Variants in SORCS3 observed in about 807,000 individuals in gnomAD.
SORCS3 encodes sortilin related VPS10 domain containing receptor 3.
Under a neutral mutation model 146.3 loss-of-function variants are expected in SORCS3, and 57 were observed. That is an observed-to-expected ratio of 0.39 (90% CI 0.31 to 0.49). The LOEUF is 0.49. Among genes scored for constraint, SORCS3 ranks in the 20% least tolerant of loss-of-function variants. The pLI, the probability that SORCS3 is intolerant of heterozygous loss-of-function variation, is 0.92. For synonymous variants in SORCS3, 653 were observed against 618.5 expected, an observed-to-expected ratio of 1.06 and a Z score of -0.83; for missense variants, 1,341 against 1,575.5, an observed-to-expected ratio of 0.85 and a Z score of 2.52.
chr10:105,089,896 C>T (rs774662798), intron 6 of SORCS3, 57 bp downstream of exon 6: 52 of 1,387,410 alleles, frequency 3.7e-5, no homozygotes, highest in Non-Finnish European at 4.9e-5. Flanking sequence ...GGTCTCTGTC[C>T]TCCCCCAATT....
intron 1 of SORCS3, among the ~76,000 whole-genome samples, chr10:104,659,074 A>G (rs2015668959): frequency 6.6e-6 from 1 of 152,208 alleles, no homozygotes. Flanking sequence ...TTAAGGAAAT[A>G]TCACAACATG....
At position 105,262,485 on chromosome 10, in the gene SORCS3, G is replaced by A. The variant is rs762365516; in HGVS notation, c.3598G>A (p.Val1200Ile). Residue 1200 changes from valine (V) to isoleucine (I), a missense_variant, in exon 26 of 27, where the codon GTC becomes ATC. Physicochemically the swap from Val to Ile is conservative, Grantham distance 29 (BLOSUM62 3). Transcript: ENST00000369701. ...ELLDKELDTR[V>I]IGGIATIANS... ...GCTGGACAAAGAGCTGGACACGCGG[G>A]TCATAGGTACATGCTCCTGCTCCAC... 1.9e-6 allele frequency: 3 copies of A among 1,613,430 alleles called. No homozygotes were observed. The highest frequency in any genetic ancestry group is 2.5e-6 in the Non-Finnish European group (3 of 1,179,796).
At chr10:104,964,225 T>C (rs929601963) in intron 3 of SORCS3, among the ~76,000 whole-genome samples, 3 of 152,178 alleles carry the variant, frequency 2.0e-5, no homozygotes, top group Non-Finnish European at 2.9e-5. Context: ...AGAGTCCTTA[T>C]ATCAATGCCT....
rs948306327 is a variant in SORCS3, at chr10:105,058,287, G to A, written c.1028+15159G>A. Reference sequence around the variant, plus strand: ...CAATGAGTGGGCTAAAAGCACTGGGGGATTTAAAATGGGATGGCCTTGCGC... The same window carrying A: ...CAATGAGTGGGCTAAAAGCACTGGGAGATTTAAAATGGGATGGCCTTGCGC... On this transcript the variant is annotated intron_variant, in intron 5 of 26. Transcript: ENST00000369701. Among the ~76,000 whole-genome samples the A allele has an allele frequency of 2.0e-5, 3 of 152,152 alleles. No individual in the cohort carries two copies. The East Asian group carries it at 5.8e-4, about 29-fold the overall frequency.
At chr10:104,750,610 A>C (rs1355280215) in intron 1 of SORCS3, among the ~76,000 whole-genome samples, 1 of 152,192 alleles carries the variant, frequency 6.6e-6, no homozygotes, top group Non-Finnish European at 1.5e-5. Flanking sequence ...CGAAGACAGG[A>C]TGGGACAGTG....
chr10:104,822,006 C>T (rs2017878430), intron 1 of SORCS3: 1 of 478,396 alleles, frequency 2.1e-6, no homozygotes, highest in Non-Finnish European at 4.1e-6. Flanking sequence ...CACACCTGGG[C>T]ACTTTCATAC....
chr10:104,973,195 T>A (rs1176913866), intron 3 of SORCS3, among the ~76,000 whole-genome samples: 1 of 152,170 alleles, frequency 6.6e-6, no homozygotes, highest in Non-Finnish European at 1.5e-5. Flanking sequence ...GGTATGAGGA[T>A]GATGCTGGCC....
rs950342959 is a variant in SORCS3 at position 104,850,500 on chromosome 10, C to T, written c.695+7641C>T. On this transcript the variant is annotated intron_variant, in intron 2 of 26. Transcript: ENST00000369701. ...CTGGGGGACTGAGGCGGGAGGATCT[C>T]TTGAACCTCAGGAGGTCGAGGCTAC... Among the ~76,000 whole-genome samples the T allele has an allele frequency of 2.0e-5, 3 of 152,180 alleles. No homozygotes were observed. The South Asian group carries it at 6.2e-4, about 32-fold the overall frequency.
intron 4 of SORCS3, among the ~76,000 whole-genome samples, chr10:105,031,312 A>C (rs1217625157): frequency 7.3e-6 from 1 of 136,800 alleles, no homozygotes; most frequent in Non-Finnish European, 1.5e-5. Flanking sequence ...AAAAACAAAC[A>C]AACAACACAC....
At position 104,649,021 on chromosome 10, in the gene SORCS3, G is replaced by A. The variant is rs147910864; in HGVS notation, c.627+7067G>A. On this transcript the variant is annotated intron_variant, in intron 1 of 26. Transcript: ENST00000369701. ...TGGAAAGAGAAAAAACCTTCTTTAG[G>A]GGAAAAACTGGAAATAAAGCTATGT... Among the ~76,000 whole-genome samples the A allele has an allele frequency of 2.5e-3, 381 of 152,092 alleles. 3 individuals are homozygous for A. The highest frequency in any genetic ancestry group is 8.9e-3 in the African/African-American group (368 of 41,466).
rs779959295 is a variant in SORCS3, at chr10:105,255,745, A to G, written c.3281A>G (p.Gln1094Arg). The change falls in exon 24 of 27, where the codon CAG (glutamine) becomes CGG (arginine). Residue 1094 changes from glutamine (Q) to arginine (R), a missense_variant. Physicochemically the swap from Gln to Arg is conservative, Grantham distance 43. Transcript: ENST00000369701. ...AATGCTCTCAACCAAAATTTGGTCC[A>G]GTTTGAGCTGAAGCCGGGGGTACAA... ...LFNALNQNLV[Q>R]FELKPGVQVI... 2.4e-5 allele frequency: 39 copies of G among 1,613,908 alleles called. No individual in the cohort carries two copies. Among genetic ancestry groups the G allele is most frequent in the Non-Finnish European group, 3.1e-5 (36 of 1,179,976 alleles).
chr10:105,149,440 G>A (rs949625136), intron 9 of SORCS3, among the ~76,000 whole-genome samples: 1 of 152,152 alleles, frequency 6.6e-6, no homozygotes, highest in Non-Finnish European at 1.5e-5. Context: ...TTACAGAGGT[G>A]TGGAGACTAG....
intron 11 of SORCS3, among the ~76,000 whole-genome samples, chr10:105,163,231 A>G (rs192373071): frequency 6.6e-6 from 1 of 152,266 alleles, no homozygotes; most frequent in Admixed American, 6.5e-5. Context: ...TTAATTTCTC[A>G]TCTTGAAGCA....
intron 3 of SORCS3, among the ~76,000 whole-genome samples, chr10:104,962,169 TG>T (rs1237128324): frequency 6.6e-6 from 1 of 152,006 alleles, no homozygotes; most frequent in Non-Finnish European, 1.5e-5. Flanking sequence ...TGAGTTAAAA[TG>T]GGACTTGAAG....
At chr10:104,998,643 T>C (rs78877128) in intron 4 of SORCS3, among the ~76,000 whole-genome samples, 11,308 of 152,158 alleles carry the variant, frequency 0.074, 1,211 homozygotes, top group African/African-American at 0.24. Flanking sequence ...TCTGCTAAGA[T>C]TCTTTGAACC....
At chr10:104,950,131 T>C (rs2019413281) in intron 3 of SORCS3, among the ~76,000 whole-genome samples, 1 of 152,198 alleles carries the variant, frequency 6.6e-6, no homozygotes, top group Non-Finnish European at 1.5e-5. Flanking sequence ...AGGCCTCTTC[T>C]GAGCTTCCCC....
rs558516116 is a variant in SORCS3 at position 104,797,502 on chromosome 10, A to ATT, written c.628-45278_628-45277dup. Among the ~76,000 whole-genome samples, 1,414 of 146,634 alleles carry ATT rather than the reference A, an allele frequency of 9.6e-3. 13 individuals are homozygous for ATT. Among genetic ancestry groups the ATT allele is most frequent in the African/African-American group, 0.024 (975 of 40,352 alleles). On this transcript the variant is annotated intron_variant, in intron 1 of 26. Coordinates refer to ENST00000369701, the MANE Select transcript of SORCS3 (RefSeq NM_014978.3). ...AAACCTTGAATCTGAATCAAGGCTG[A>ATT]TTTTTTTTTTTTTAAAAGAGACAGT... is the stretch of plus-strand genomic sequence containing the variant.
chr10:105,227,372 T>C (rs1250868686), intron 20 of SORCS3, among the ~76,000 whole-genome samples: 2 of 152,128 alleles, frequency 1.3e-5, no homozygotes, highest in East Asian at 3.8e-4. Flanking sequence ...CCTCTTGTTA[T>C]TGATTTCTAG....
At chr10:104,662,611 A>T (rs764210664) in intron 1 of SORCS3, among the ~76,000 whole-genome samples, 1 of 152,220 alleles carries the variant, frequency 6.6e-6, no homozygotes, top group African/African-American at 2.4e-5. Flanking sequence ...TGCTGACCCC[A>T]TGAGGGCTAA....
Sources: allele counts gnomAD v4.1 joint callset (sites outside exome capture counted in the v4.1 genomes callset), GRCh38; gene constraint gnomAD v4.1.1; transcripts MANE v1.5; gene names NCBI Gene and HGNC (gene_info 2026-07-23, HGNC 2026-07-21).